Variants in ABCF1 observed in about 807,000 individuals in gnomAD.
ABCF1 encodes the protein ATP binding cassette subfamily F member 1.
In ABCF1, 73 loss-of-function variants were observed where a neutral mutation model predicts 126.3. That is an observed-to-expected ratio of 0.58 (90% confidence interval 0.48 to 0.70). ABCF1 has a LOEUF of 0.70. Among genes scored for constraint, ABCF1 ranks in the 30% least tolerant of loss-of-function variants. The probability of loss-of-function intolerance (pLI) is 0.00; values close to 1 mark genes in which losing one functional copy is unlikely to be tolerated. For synonymous variants in ABCF1, 345 were observed against 396.4 expected, an observed-to-expected ratio of 0.87 and a Z score of 1.54; for missense variants, 786 against 1,057.5, an observed-to-expected ratio of 0.74 and a Z score of 3.56.
chr6:30,590,751 G>T lies in ABCF1; in HGVS notation c.*50G>T. ...AGAGACATATTTGTGTGGCCTAGAA[G>T]TCCTCTGTGGTCTCCCCTCCTCTGA... On this transcript the variant is annotated 3_prime_UTR_variant, in exon 25 of 25. Coordinates refer to ENST00000326195, the MANE Select transcript of ABCF1 (RefSeq NM_001025091.2). 1 of 1,540,880 alleles carries T rather than the reference G, an allele frequency of 6.5e-7. No individual in the cohort carries two copies.
intron 20 of ABCF1, among the ~76,000 whole-genome samples, chr6:30,587,721 C>T (rs147908373): frequency 5.3e-5 from 8 of 151,342 alleles, no homozygotes; most frequent in Non-Finnish European, 1.0e-4. Context: ...TGTTGGTGCA[C>T]GACTGTAGTC....
At chr6:30,580,272 G>A (rs1055106942) in intron 7 of ABCF1, 134 bp from the exon 8 acceptor site, 20 of 743,494 alleles carry the variant, frequency 2.7e-5, no homozygotes, top group Non-Finnish European at 3.8e-5. Context: ...GCGTGAACCC[G>A]GGAGGTGGAG....
At chr6:30,582,926 C>T in intron 9 of ABCF1, 140 bp from the exon 10 acceptor site, 5 of 1,155,754 alleles carry the variant, frequency 4.3e-6, no homozygotes, top group Non-Finnish European at 6.1e-6. Context: ...CTCCTGAGCT[C>T]AAGAGATCCA....
At chr6:30,580,760 A>G (rs1358214136) in intron 8 of ABCF1, among the ~76,000 whole-genome samples, 1 of 151,904 alleles carries the variant, frequency 6.6e-6, no homozygotes, top group Non-Finnish European at 1.5e-5. Context: ...TGAAGCCTCA[A>G]CCTCCTGGGC....
chr6:30,584,601 C>G lies in ABCF1; in HGVS notation c.1391+35C>G. 6.4e-7 allele frequency: 1 copy of G among 1,554,060 alleles called. No individual in the cohort carries two copies. Among genetic ancestry groups the G allele is most frequent in the Non-Finnish European group, 8.7e-7 (1 of 1,153,552 alleles). Reference sequence around the variant, plus strand: ...TCACCTCACTGCCCTCCCTTCCAGCCTCAGACCACCGGGGCCCTTTTCCTC... The same window carrying G: ...TCACCTCACTGCCCTCCCTTCCAGCGTCAGACCACCGGGGCCCTTTTCCTC... On this transcript the variant is annotated intron_variant, in intron 14 of 24. Coordinates refer to ENST00000326195, the MANE Select transcript of ABCF1 (RefSeq NM_001025091.2). The surrounding 1 kb of genome is among the most constrained non-coding windows in gnomAD (Gnocchi z 4.6).
At chr6:30,572,435 A>G (rs1015687808) in intron 1 of ABCF1, among the ~76,000 whole-genome samples, 1 of 152,244 alleles carries the variant, frequency 6.6e-6, no homozygotes, top group Non-Finnish European at 1.5e-5. Context: ...ATGGGACTGT[A>G]GAAGAGAGGA....
Position 30,591,072 on chromosome 6 carries a change from G to GC in ABCF1, c.*377dup, listed in dbSNP as rs1035673128. On this transcript the variant is annotated 3_prime_UTR_variant, in exon 25 of 25. Transcript: ENST00000326195. The stretch of plus-strand genomic sequence containing the variant: ...TTACCCTACAGCTTCAGGCCCAGCT[G>GC]CCCCCCAGTCTTTGGGTGGTGCTGT... The GC allele has an allele frequency of 1.8e-4, 38 of 215,560 alleles. No homozygotes were observed. Among genetic ancestry groups the GC allele is most frequent in the Non-Finnish European group, 2.7e-4 (30 of 110,228 alleles). The allele number at this position is 215,560 out of a possible 1,614,324, so 13.4% of individuals were successfully genotyped here.
In ABCF1 at chr6:30,574,843, GC is replaced by G. The variant is rs1282304354; in HGVS notation, c.74-2564del. Among the ~76,000 whole-genome samples the G allele has an allele frequency of 6.6e-6, 1 of 152,074 alleles. No homozygotes were observed. Among genetic ancestry groups the G allele is most frequent in the Admixed American group, 6.6e-5 (1 of 15,232 alleles). ...GGACTTCATAAAGGAACAGAAAGAA[GC>G]CAGTATCGAGACCAGAGGTGTGGGT... On this transcript the variant is annotated intron_variant, in intron 1 of 24. Coordinates refer to ENST00000326195, the MANE Select transcript of ABCF1 (RefSeq NM_001025091.2). The surrounding 1 kb of genome is among the most constrained non-coding windows in gnomAD (Gnocchi z 4.3).
chr6:30,589,875 C>A lies in ABCF1; in HGVS notation c.2134C>A (p.Gln712Lys), dbSNP rs568363700. ...GGAGGAGACGCCCACTGAGTACCTG[C>A]AGCGGGGCTTCAACCTGCCCTACCA... ...RMEETPTEYL[Q>K]RGFNLPYQDA... Residue 712 changes from glutamine (Q) to lysine (K), a missense_variant, in exon 22 of 25, where the codon CAG (glutamine) becomes AAG (lysine). By Grantham distance (53) the Gln-to-Lys change is moderately conservative. Coordinates refer to ENST00000326195, the MANE Select transcript of ABCF1 (RefSeq NM_001025091.2). 1 of 1,614,230 alleles carries A rather than the reference C, an allele frequency of 6.2e-7. No individual in the cohort carries two copies. Among genetic ancestry groups the A allele is most frequent in the African/African-American group, 1.3e-5 (1 of 75,070 alleles).
At chr6:30,571,632 G>A (rs1306751464) in intron 1 of ABCF1, 72 bp downstream of exon 1, 4 of 1,512,272 alleles carry the variant, frequency 2.6e-6, no homozygotes, top group African/African-American at 1.4e-5. Context: ...TTTAAGAGAG[G>A]GTCATGGGGC....
At chr6:30,577,731 G>A in intron 2 of ABCF1, 87 bp from the exon 3 acceptor site, 1 of 1,282,234 alleles carries the variant, frequency 7.8e-7, no homozygotes, top group Non-Finnish European at 1.1e-6. Context: ...GTGGAGTGGA[G>A]GGCCAGTGGG....
Position 30,584,077 on chromosome 6 carries a change from G to T in ABCF1, c.1103-115G>T. ...GAGGAACTTGAGAGTGTTTTATTTG[G>T]AACAAGTACAAAGAGCTGGGCAGGG... On this transcript the variant is annotated intron_variant, in intron 12 of 24. Coordinates refer to ENST00000326195, the MANE Select transcript of ABCF1 (RefSeq NM_001025091.2). This position sits in a 1 kb window ranked among gnomAD's most constrained non-coding sequence, Gnocchi z 4.6. The T allele has an allele frequency of 2.7e-6, 4 of 1,470,726 alleles. No homozygotes were observed. The highest frequency in any genetic ancestry group is 3.7e-6 in the Non-Finnish European group (4 of 1,093,026). The allele number at this position is 1,470,726 out of a possible 1,614,324, so 91.1% of individuals were successfully genotyped here.
At chr6:30,580,626 A>G in intron 8 of ABCF1, 107 bp downstream of exon 8, 1 of 696,608 alleles carries the variant, frequency 1.4e-6, no homozygotes, top group Non-Finnish European at 2.2e-6. Flanking sequence ...GCAAACCTTT[A>G]TTCTTTTCTT....
chr6:30,580,492 G>T lies in ABCF1; in HGVS notation c.651G>T (p.Gly217=). The T allele has an allele frequency of 6.6e-7, 1 of 1,526,166 alleles. No individual in the cohort carries two copies. The allele number at this position is 1,526,166 out of a possible 1,614,324, so 94.5% of individuals were successfully genotyped here. Residue 217 remains glycine, a synonymous_variant, in exon 8 of 25, where the codon GGG becomes GGT. Transcript: ENST00000326195. ...IIKEKEPPKQ[G]KEKAKKAEQG... ...AGGAAAAGGAGCCTCCCAAACAAGG[G>T]AAGGAGAAGGCCAAGAAGGCAGAGC...
chr6:30,582,956 G>T, intron 9 of ABCF1, 110 bp from the exon 10 acceptor site: 1 of 1,395,326 alleles, frequency 7.2e-7, no homozygotes, highest in South Asian at 1.3e-5. Context: ...GCCTCCCAGA[G>T]TGCTGGGATT....
intron 1 of ABCF1, among the ~76,000 whole-genome samples, chr6:30,572,857 G>A (rs144441584): frequency 3.3e-5 from 5 of 152,276 alleles, no homozygotes; most frequent in Middle Eastern, 3.4e-3. Context: ...CGCATTCCAA[G>A]CCAAGGAAGT....
intron 6 of ABCF1, 80 bp from the exon 7 acceptor site, chr6:30,579,851 C>G: frequency 7.0e-7 from 1 of 1,422,742 alleles, no homozygotes; most frequent in Non-Finnish European, 9.7e-7. Context: ...ACAGTAGACT[C>G]TCTAGAAATG....
Position 30,585,580 on chromosome 6 carries a change from A to AC in ABCF1, c.1500dup (p.Leu502AlafsTer6), listed in dbSNP as rs1183839159. 1.2e-6 allele frequency: 2 copies of AC among 1,612,750 alleles called. No homozygotes were observed. ...CAGCTACCTCCAGGGCTGGCGGAAG[A>AC]CCTTGCTGATCGTCTCCCATGACCA... On this transcript the variant is annotated frameshift_variant, in exon 16 of 25. Transcript: ENST00000326195. LOFTEE classifies it high-confidence loss of function.
chr6:30,584,074 T>C lies in ABCF1; in HGVS notation c.1103-118T>C. The C allele has an allele frequency of 2.7e-6, 4 of 1,464,138 alleles. No homozygotes were observed. The highest frequency in any genetic ancestry group is 3.7e-6 in the Non-Finnish European group (4 of 1,087,842). 90.7% of individuals were successfully genotyped at this position (1,464,138 alleles called of 1,614,324 possible). A position where few individuals can be genotyped will look rare whatever the true frequency, so the allele number is the denominator to read the frequency against. ...AATGAGGAACTTGAGAGTGTTTTATTTGGAACAAGTACAAAGAGCTGGGCA... is the reference window on the plus strand; with the variant it reads ...AATGAGGAACTTGAGAGTGTTTTATCTGGAACAAGTACAAAGAGCTGGGCA... On this transcript the variant is annotated intron_variant, in intron 12 of 24. Transcript: ENST00000326195. This position sits in a 1 kb window ranked among gnomAD's most constrained non-coding sequence, Gnocchi z 4.6.
Sources: gnomAD v4.1 joint callset for allele counts (sites outside exome capture counted in the v4.1 genomes callset) on GRCh38, gnomAD v4.1.1 for gene constraint, Gnocchi (gnomAD v3.1) non-coding constraint, MANE v1.5 for transcripts, NCBI Gene and HGNC (gene_info 2026-07-23, HGNC 2026-07-21) for gene names.